FGL1: variants seen among roughly 807,000 people sequenced by gnomAD.
FGL1 encodes fibrinogen-like protein 1.
In FGL1, 59 loss-of-function variants were observed where a neutral mutation model predicts 43.7. The observed-to-expected ratio is 1.35, with a 90% CI of 1.10 to 1.68. FGL1 has a LOEUF of 1.68. Ranked by LOEUF, FGL1 falls within the 40% of genes most tolerant of loss-of-function variation. The pLI is 0.00. For missense variants in FGL1, 596 were observed against 373.0 expected, an observed-to-expected ratio of 1.60 and a Z score of -4.92; for synonymous variants, 192 against 126.5, an observed-to-expected ratio of 1.52 and a Z score of -3.48.
At position 17,864,711 on chromosome 8, in the gene FGL1, G is replaced by T. The variant is rs1268733679; in HGVS notation, c.820C>A (p.Pro274Thr). 3 of 1,612,296 alleles carry T rather than the reference G, an allele frequency of 1.9e-6. No homozygotes were observed. The highest frequency in any genetic ancestry group is 3.4e-5 in the Admixed American group (2 of 59,402). Residue 274 changes from proline (P) to threonine (T), a missense_variant, in exon 8 of 8, where the codon CCC becomes ACC. By Grantham distance (38) the Pro-to-Thr change is conservative (BLOSUM62 -1). Coordinates refer to ENST00000427924, the MANE Select transcript of FGL1 (RefSeq NM_004467.4). ...CCATTGTCTGTTTTAGCCGTGTAGG[G>T]GCCGCTGTAGTATACACCATTCAGG... Reference protein sequence around the residue: ...ANLNGVYYSGPYTAKTDNGIV... With the variant: ...ANLNGVYYSGTYTAKTDNGIV...
At chr8:17,874,281 T>G in intron 4 of FGL1, 81 bp downstream of exon 4, 1 of 1,483,168 alleles carries the variant, frequency 6.7e-7, no homozygotes, top group Non-Finnish European at 9.3e-7. Flanking sequence ...ATTAATAGGC[T>G]TCAGGATATG....
chr8:17,873,296 A>G (rs1373784533), intron 5 of FGL1, among the ~76,000 whole-genome samples: 1 of 152,140 alleles, frequency 6.6e-6, no homozygotes, highest in African/African-American at 2.4e-5. Flanking sequence ...TTTTTGTGGA[A>G]CCCTGCCTGT....
At position 17,893,539 on chromosome 8, in the gene FGL1, A is replaced by G. The variant is rs182845106; in HGVS notation, c.-18+1908T>C. Among the ~76,000 whole-genome samples, 652 of 150,342 alleles carry G rather than the reference A, an allele frequency of 4.3e-3. 3 individuals carry two copies. The highest frequency in any genetic ancestry group is 0.038 in the Middle Eastern group (11 of 290). ...GGCCTCTGTCTCTTGATGTCCTGAA[A>G]TGTTTATCTCACTACCATTAAGATA... is the stretch of plus-strand genomic sequence containing the variant. On this transcript the variant is annotated intron_variant, in intron 1 of 7. Transcript: ENST00000427924.
intron 2 of FGL1, 29 bp from the exon 3 acceptor site, chr8:17,882,208 T>G (rs753954763): frequency 1.3e-6 from 2 of 1,547,270 alleles, no homozygotes; most frequent in East Asian, 4.6e-5. Flanking sequence ...GAGATGAGTA[T>G]GCACCTCATT....
chr8:17,889,791 G>C lies in FGL1; in HGVS notation c.-17-4220C>G, dbSNP rs34474165. 3.7e-3 allele frequency among the ~76,000 whole-genome samples: 568 copies of C among 152,252 alleles called. 5 individuals are homozygous for C. The highest frequency in any genetic ancestry group is 0.012 in the African/African-American group (510 of 41,552). On this transcript the variant is annotated intron_variant, in intron 1 of 7. Transcript: ENST00000427924. The stretch of plus-strand genomic sequence containing the variant: ...GAACTATAAGAAATGGCAGATGTTT[G>C]AACATTTCTGACTTAGAAAAATGGC...
intron 3 of FGL1, among the ~76,000 whole-genome samples, chr8:17,881,259 C>T (rs2131724572): frequency 6.6e-6 from 1 of 151,848 alleles, no homozygotes; most frequent in African/African-American, 2.4e-5. Flanking sequence ...GCCTCAGCCT[C>T]CCAGGTAGCT....
rs750277256 is a variant in FGL1 at position 17,868,644 on chromosome 8, C to G, written c.683G>C (p.Ser228Thr). 1 of 1,614,130 alleles carries G rather than the reference C, an allele frequency of 6.2e-7. No individual in the cohort carries two copies. Among genetic ancestry groups the G allele is most frequent in the Non-Finnish European group, 8.5e-7 (1 of 1,180,008 alleles). ...NFHPEVQWWA[S>T]HQRMKFSTWD... is the part of the protein sequence containing the mutation. ...CGTGCTGAATTTCATTCTTTGGTGA[C>G]TAGCCCACCACTGCACCTCAGGATG... Residue 228 changes from serine (S) to threonine (T), a missense_variant, in exon 7 of 8, where the codon AGT becomes ACT. Transcript: ENST00000427924.
chr8:17,879,460 G>A (rs1484356821), intron 3 of FGL1, among the ~76,000 whole-genome samples: 5 of 152,106 alleles, frequency 3.3e-5, no homozygotes, highest in Admixed American at 2.0e-4. Flanking sequence ...AAGGCCTAGT[G>A]GGAGGCGATT....
In FGL1 at chr8:17,864,709, G is replaced by A. The variant is rs754696145; in HGVS notation, c.822C>T (p.Pro274=). The part of the protein sequence containing the change: ...ANLNGVYYSG[P]YTAKTDNGIV... ...TCCCATTGTCTGTTTTAGCCGTGTAGGGGCCGCTGTAGTATACACCATTCA... is the reference window on the plus strand; with the variant it reads ...TCCCATTGTCTGTTTTAGCCGTGTAAGGGCCGCTGTAGTATACACCATTCA... Residue 274 remains proline (P), a synonymous_variant, in exon 8 of 8, where the codon CCC becomes CCT. Transcript: ENST00000427924. The A allele has an allele frequency of 6.2e-7, 1 of 1,612,820 alleles. No individual in the cohort carries two copies. Among genetic ancestry groups the A allele is most frequent in the Non-Finnish European group, 8.5e-7 (1 of 1,179,670 alleles).
At chr8:17,873,419 C>T (rs902013905) in intron 5 of FGL1, among the ~76,000 whole-genome samples, 1 of 152,076 alleles carries the variant, frequency 6.6e-6, no homozygotes, top group African/African-American at 2.4e-5. Context: ...ATGGCAGACT[C>T]ATAAGCAAGC....
At chr8:17,865,494 C>G (rs533245788) in intron 7 of FGL1, among the ~76,000 whole-genome samples, 6 of 152,304 alleles carry the variant, frequency 3.9e-5, no homozygotes, top group Non-Finnish European at 8.8e-5. Context: ...AAACCTAAAT[C>G]ACCATTTAAA....
intron 3 of FGL1, among the ~76,000 whole-genome samples, chr8:17,875,629 G>C (rs944100024): frequency 2.0e-5 from 3 of 147,518 alleles, no homozygotes; most frequent in Non-Finnish European, 3.0e-5. Flanking sequence ...CTTTGAGACA[G>C]AGTCTTGCTC....
At chr8:17,886,811 G>T (rs1288161233) in intron 1 of FGL1, among the ~76,000 whole-genome samples, 3 of 146,126 alleles carry the variant, frequency 2.1e-5, no homozygotes, top group Non-Finnish European at 3.1e-5. Flanking sequence ...GGAGAGGAGA[G>T]AAGAGAAGTA....
chr8:17,885,511 G>A lies in FGL1; in HGVS notation c.44C>T (p.Thr15Ile), dbSNP rs484373. Reference sequence around the variant, plus strand: ...GCTTACCGAAATTTCCCTGCCCATTGTCAGAGCGGTGGTAACAAGGATGAA... The same window carrying A: ...GCTTACCGAAATTTCCCTGCCCATTATCAGAGCGGTGGTAACAAGGATGAA... ...FSFILVTTAL[T>I]MGREISALED... The change falls in exon 2 of 8, where the codon ACA becomes ATA. Residue 15 changes from threonine to isoleucine, a missense_variant. By Grantham distance (89) the Thr-to-Ile change is moderately conservative. Transcript: ENST00000427924. The A allele has an allele frequency of 0.76, 1,218,424 of 1,611,052 alleles. 468,112 individuals are homozygous for A. The highest frequency in any genetic ancestry group is 0.85 in the African/African-American group (63,513 of 74,946).
intron 1 of FGL1, among the ~76,000 whole-genome samples, chr8:17,890,328 G>A (rs748571639): frequency 7.9e-5 from 12 of 152,090 alleles, no homozygotes; most frequent in South Asian, 4.2e-4. Flanking sequence ...GTCATTCACC[G>A]ACAAAGCTTT....
At chr8:17,881,689 C>T (rs994655267) in intron 3 of FGL1, among the ~76,000 whole-genome samples, 9 of 151,330 alleles carry the variant, frequency 5.9e-5, no homozygotes, top group African/African-American at 7.3e-5. Flanking sequence ...AAAAAAGTAG[C>T]CGGGCCTGGT....
At chr8:17,886,000 C>G (rs778560619) in intron 1 of FGL1, among the ~76,000 whole-genome samples, 1 of 152,128 alleles carries the variant, frequency 6.6e-6, no homozygotes, top group Non-Finnish European at 1.5e-5. Flanking sequence ...GTGATCCTCC[C>G]GCCTTGGCCT....
chr8:17,864,816 T>C (rs1045119935), intron 7 of FGL1, 65 bp from the exon 8 acceptor site: 1 of 1,272,890 alleles, frequency 7.9e-7, no homozygotes, highest in East Asian at 2.9e-5. Flanking sequence ...TCAGAATCCC[T>C]TTTATTTTGC....
At chr8:17,881,552 G>A (rs181626108) in intron 3 of FGL1, among the ~76,000 whole-genome samples, 14 of 151,228 alleles carry the variant, frequency 9.3e-5, no homozygotes, top group Admixed American at 7.3e-4. Flanking sequence ...GTAAAGTGTC[G>A]GCTGGGCACG....
Sources: gnomAD v4.1 joint callset for allele counts (sites outside exome capture counted in the v4.1 genomes callset) on GRCh38, gnomAD v4.1.1 for gene constraint, MANE v1.5 for transcripts, NCBI Gene and HGNC (gene_info 2026-07-23, HGNC 2026-07-21) for gene names.